The following LRRN3 variants were observed in gnomAD, a reference collection of about 807,000 sequenced individuals.
The protein encoded by LRRN3 is leucine rich repeat neuronal 3, also known as leucine-rich repeat neuronal protein 3.
LRRN3 carries 15 observed loss-of-function variants against 40.1 expected under a neutral mutation model. The ratio of observed to expected loss-of-function variants is 0.37; its 90% CI spans 0.25 to 0.58. The LOEUF (loss-of-function observed/expected upper bound fraction) is 0.58. Among genes scored for constraint, LRRN3 ranks in the 20% least tolerant of loss-of-function variants. The pLI is 0.72. For missense variants in LRRN3, 746 were observed against 837.7 expected (o/e 0.89, Z 1.35); for synonymous variants, 308 against 297.2 (o/e 1.04, Z -0.37).
Position 111,099,871 on chromosome 7 carries a change from TACAACAAAG to T in LRRN3, c.-440-7_-439del, listed in dbSNP as rs1183414903. On this transcript the variant is annotated splice_acceptor_variant and splice_polypyrimidine_tract_variant and intron_variant, in intron 1 of 2. Transcript: ENST00000308478. LOFTEE classifies it low-confidence loss of function (5UTR_SPLICE). ...GGTTTTTTTCCTGCTACTTCTTACA[TACAACAAAG>T]ACGAGGAAGAGGAGGAGAAAGAGAA... 1 of 151,642 alleles carries T rather than the reference TACAACAAAG, an allele frequency of 6.6e-6. No individual in the cohort carries two copies. Among genetic ancestry groups the T allele is most frequent in the African/African-American group, 2.4e-5 (1 of 41,366 alleles). 9.4% of individuals were successfully genotyped at this position (151,642 alleles called of 1,614,324 possible).
At chr7:111,115,008 T>G (rs1799706272) in intron 2 of LRRN3, among the ~76,000 whole-genome samples, 1 of 152,066 alleles carries the variant, frequency 6.6e-6, no homozygotes, top group South Asian at 2.1e-4. Context: ...AAGCAAATTT[T>G]CCATCACTAT....
At chr7:111,109,702 A>T (rs1798966750) in intron 2 of LRRN3, among the ~76,000 whole-genome samples, 1 of 152,174 alleles carries the variant, frequency 6.6e-6, no homozygotes, top group Non-Finnish European at 1.5e-5. Flanking sequence ...TTATTAGGGG[A>T]ATCAGATAAG....
chr7:111,123,880 A>G lies in LRRN3; in HGVS notation c.1108A>G (p.Ile370Val), dbSNP rs1424058380. 1.2e-6 allele frequency: 2 copies of G among 1,613,902 alleles called. No homozygotes were observed. The highest frequency in any genetic ancestry group is 1.7e-6 in the Non-Finnish European group (2 of 1,179,978). Residue 370 changes from isoleucine to valine, a missense_variant, in exon 3 of 3, where the codon ATC becomes GTC. Transcript: ENST00000308478. This position sits in a 1 kb window ranked among gnomAD's most constrained non-coding sequence, Gnocchi z 6.4. The stretch of plus-strand genomic sequence containing the variant: ...GGAAATCAGCATACACAGTAACCCC[A>G]TCAGGTGTGACTGTGTCATCCGTTG... Reference protein sequence around the residue: ...LKEISIHSNPIRCDCVIRWMN... With the variant: ...LKEISIHSNPVRCDCVIRWMN...
intron 2 of LRRN3, among the ~76,000 whole-genome samples, chr7:111,103,994 C>T (rs922029243): frequency 1.3e-5 from 2 of 151,500 alleles, no homozygotes; most frequent in African/African-American, 2.4e-5. Context: ...AAATGTGGAA[C>T]AAAATGGGAA....
rs1260963034 is a variant in LRRN3 at position 111,097,492 on chromosome 7, AC to A, written c.-440-2388del. On this transcript the variant is annotated intron_variant, in intron 1 of 2. Coordinates refer to ENST00000308478, the MANE Select transcript of LRRN3 (RefSeq NM_001099658.2). ...TTTAGAGGATTCATTCCTTGGGGTA[AC>A]ATTTGTTCTATAATTTATAGTCTCA... Among the ~76,000 whole-genome samples the A allele has an allele frequency of 3.3e-5, 5 of 151,918 alleles. No individual in the cohort carries two copies. In the East Asian group the frequency reaches 9.6e-4, roughly 29 times the overall value.
At chr7:111,109,287 G>A (rs543235172) in intron 2 of LRRN3, among the ~76,000 whole-genome samples, 4 of 151,384 alleles carry the variant, frequency 2.6e-5, no homozygotes, top group Non-Finnish European at 4.4e-5. Flanking sequence ...AGGTTTCCAA[G>A]GTATGACGGA....
intron 2 of LRRN3, among the ~76,000 whole-genome samples, chr7:111,114,353 C>T (rs1018349548): frequency 3.9e-5 from 6 of 152,040 alleles, no homozygotes; most frequent in Middle Eastern, 6.8e-3. Context: ...ACACATAAAA[C>T]GTGAATAAGC....
chr7:111,095,278 C>T (rs1797284148), intron 1 of LRRN3, among the ~76,000 whole-genome samples: 1 of 151,858 alleles, frequency 6.6e-6, no homozygotes, highest in Non-Finnish European at 1.5e-5. Flanking sequence ...TAATGTAATA[C>T]ATTATACTTT....
At chr7:111,101,346 C>G (rs1797955580) in intron 2 of LRRN3, among the ~76,000 whole-genome samples, 2 of 151,360 alleles carry the variant, frequency 1.3e-5, no homozygotes, top group Non-Finnish European at 3.0e-5. Flanking sequence ...TAAGATACAA[C>G]AAGCAGAATC....
chr7:111,123,994 C>T lies in LRRN3; in HGVS notation c.1222C>T (p.Arg408Trp), dbSNP rs753308110. The change falls in exon 3 of 3, where the codon CGG (arginine) becomes TGG (tryptophan). Residue 408 changes from arginine to tryptophan, a missense_variant. Coordinates refer to ENST00000308478, the MANE Select transcript of LRRN3 (RefSeq NM_001099658.2). The surrounding 1 kb of genome is among the most constrained non-coding windows in gnomAD (Gnocchi z 6.4). ...DPPEFQGQNV[R>W]QVHFRDMMEI... ...ACCTGAATTCCAAGGTCAGAATGTT[C>T]GGCAAGTGCATTTCAGGGACATGAT... 33 of 1,613,848 alleles carry T rather than the reference C, an allele frequency of 2.0e-5. No individual in the cohort carries two copies. The highest frequency in any genetic ancestry group is 4.5e-5 in the East Asian group (2 of 44,872).
intron 2 of LRRN3, among the ~76,000 whole-genome samples, chr7:111,103,642 C>T (rs981749275): frequency 1.3e-5 from 2 of 151,684 alleles, no homozygotes; most frequent in Non-Finnish European, 3.0e-5. Context: ...GTTTAAGTTA[C>T]AGCAAATTCT....
At chr7:111,118,097 T>G (rs1800112341) in intron 2 of LRRN3, among the ~76,000 whole-genome samples, 2 of 152,126 alleles carry the variant, frequency 1.3e-5, no homozygotes, top group Non-Finnish European at 2.9e-5. Flanking sequence ...CTCTCCTTTG[T>G]GCATCCACAG....
Position 111,123,978 on chromosome 7 carries a change from C to G in LRRN3, c.1206C>G (p.Phe402Leu), listed in dbSNP as rs1800972267. The part of the protein sequence containing the change: ...DSLFCVDPPE[F>L]QGQNVRQVHF... ...TGTTTTGCGTGGACCCACCTGAATT[C>G]CAAGGTCAGAATGTTCGGCAAGTGC... Residue 402 changes from phenylalanine to leucine, a missense_variant, in exon 3 of 3, where the codon TTC (phenylalanine) becomes TTG (leucine). Transcript: ENST00000308478. The surrounding 1 kb of genome is among the most constrained non-coding windows in gnomAD (Gnocchi z 6.4). The G allele has an allele frequency of 6.2e-7, 1 of 1,613,852 alleles. No individual in the cohort carries two copies. The highest frequency in any genetic ancestry group is 8.5e-7 in the Non-Finnish European group (1 of 1,179,976).
intron 1 of LRRN3, among the ~76,000 whole-genome samples, chr7:111,091,971 C>G (rs779089929): frequency 2.0e-5 from 3 of 152,124 alleles, no homozygotes; most frequent in Non-Finnish European, 4.4e-5. Flanking sequence ...ACACATTATT[C>G]TCTGTTTTGA....
intron 2 of LRRN3, among the ~76,000 whole-genome samples, chr7:111,105,703 C>T (rs144335685): frequency 9.9e-4 from 151 of 151,812 alleles, no homozygotes; most frequent in African/African-American, 3.5e-3. Flanking sequence ...AATGGGCTTG[C>T]TCTCTGTTGT....
At chr7:111,111,271 C>T (rs76906985) in intron 2 of LRRN3, among the ~76,000 whole-genome samples, 3,603 of 146,788 alleles carry the variant, frequency 0.025, 152 homozygotes, top group African/African-American at 0.087. Context: ...GTGGGCATAT[C>T]GCCCATGCTC....
chr7:111,117,776 T>C (rs964740670), intron 2 of LRRN3, among the ~76,000 whole-genome samples: 1 of 152,106 alleles, frequency 6.6e-6, no homozygotes, highest in Non-Finnish European at 1.5e-5. Flanking sequence ...CAATTTGCTA[T>C]AGAAGAAAAG....
chr7:111,098,043 A>G (rs1011331307), intron 1 of LRRN3, among the ~76,000 whole-genome samples: 1 of 151,874 alleles, frequency 6.6e-6, no homozygotes, highest in Non-Finnish European at 1.5e-5. Context: ...GGAAAGAGCA[A>G]AACAAGGTGA....
At chr7:111,121,500 C>G in intron 2 of LRRN3, among the ~76,000 whole-genome samples, 1 of 152,236 alleles carries the variant, frequency 6.6e-6, no homozygotes, top group African/African-American at 2.4e-5. Context: ...CACTGGCCAT[C>G]AGAGAAATGC....
Sources: allele counts gnomAD v4.1 joint callset (sites outside exome capture counted in the v4.1 genomes callset), GRCh38; gene constraint gnomAD v4.1.1; non-coding constraint Gnocchi (gnomAD v3.1); transcripts MANE v1.5; gene names NCBI Gene and HGNC (gene_info 2026-07-23, HGNC 2026-07-21).